Variants in FAT3 observed in about 807,000 individuals in gnomAD.
The protein encoded by FAT3 is protocadherin Fat 3.
FAT3 carries 95 observed loss-of-function variants against 310.2 expected under a neutral mutation model. That is an observed-to-expected ratio of 0.31 (90% CI 0.26 to 0.36). The LOEUF is 0.36. Ranked by LOEUF, FAT3 falls within the 10% of genes least tolerant of loss-of-function variation. The pLI, the probability that FAT3 is intolerant of heterozygous loss-of-function variation, is 1.00. For missense variants in FAT3, 5,408 were observed against 5,715.6 expected (o/e 0.95, Z 1.74); for synonymous variants, 2,314 against 2,192.9 (o/e 1.06, Z -1.54).
At chr11:92,494,982 ATTC>A (rs1322201181) in intron 2 of FAT3, among the ~76,000 whole-genome samples, 3 of 152,044 alleles carry the variant, frequency 2.0e-5, no homozygotes, top group African/African-American at 7.2e-5. Flanking sequence ...AATTTTTGAT[ATTC>A]TTCTTTAAAA....
At position 92,691,521 on chromosome 11, in the gene FAT3, A is replaced by G. The variant is rs191665203; in HGVS notation, c.3608-5863A>G. 4.6e-5 allele frequency among the ~76,000 whole-genome samples: 7 copies of G among 152,114 alleles called. No homozygotes were observed. The East Asian group carries it at 1.4e-3, about 29-fold the overall frequency. On this transcript the variant is annotated intron_variant, in intron 3 of 27. Coordinates refer to ENST00000525166, the MANE Select transcript of FAT3 (RefSeq NM_001367949.2). ...AGCCATCCTCCCACTTCAGCCTCCC[A>G]AGTAGCTGGAACTATAGGTGCCTGT...
intron 3 of FAT3, among the ~76,000 whole-genome samples, chr11:92,548,087 G>A (rs1269650040): frequency 6.6e-6 from 1 of 152,108 alleles, no homozygotes; most frequent in East Asian, 1.9e-4. Context: ...TAATCCCAAG[G>A]CCTCAGTATA....
intron 3 of FAT3, among the ~76,000 whole-genome samples, chr11:92,653,379 T>C (rs1176094406): frequency 6.6e-6 from 1 of 152,072 alleles, no homozygotes; most frequent in East Asian, 1.9e-4. Flanking sequence ...TGCTGCCTTG[T>C]GGTATTAGCA....
chr11:92,861,333 A>G (rs1435282893), intron 21 of FAT3, among the ~76,000 whole-genome samples: 1 of 152,152 alleles, frequency 6.6e-6, no homozygotes, highest in Admixed American at 6.5e-5. Context: ...AAAATATTGA[A>G]CCTGAATGGC....
intron 1 of FAT3, among the ~76,000 whole-genome samples, chr11:92,282,456 G>A (rs1946453201): frequency 6.6e-6 from 1 of 152,068 alleles, no homozygotes; most frequent in Admixed American, 6.6e-5. Flanking sequence ...CCTGAGGTCA[G>A]GCGTTCGAGA....
intron 1 of FAT3, among the ~76,000 whole-genome samples, chr11:92,230,238 A>AATTT (rs10632129): frequency 0.98 from 148,832 of 152,232 alleles, 72,830 homozygotes; most frequent in East Asian, 1. Context: ...AATTTAAAAT[A>AATTT]ATTTTTTGTC....
At chr11:92,366,778 G>A in intron 2 of FAT3, 2 of 531,640 alleles carry the variant, frequency 3.8e-6, no homozygotes, top group South Asian at 2.8e-5. Flanking sequence ...TGGTGGTAGT[G>A]TCCTTCAGAT....
At chr11:92,679,875 C>T (rs961590493) in intron 3 of FAT3, among the ~76,000 whole-genome samples, 11 of 128,794 alleles carry the variant, frequency 8.5e-5, no homozygotes, top group African/African-American at 3.1e-4. Context: ...AAAAGTTGAA[C>T]GTTTTTTCAA....
At chr11:92,759,395 G>A (rs531022003) in intron 4 of FAT3, among the ~76,000 whole-genome samples, 4 of 152,258 alleles carry the variant, frequency 2.6e-5, no homozygotes, top group Non-Finnish European at 4.4e-5. Context: ...TTTCCACAAT[G>A]GTAAGTGCTA....
intron 2 of FAT3, chr11:92,366,781 C>T (rs1949033619): frequency 1.9e-6 from 1 of 531,548 alleles, no homozygotes; most frequent in East Asian, 5.2e-5. Context: ...TGGTAGTGTC[C>T]TTCAGATGCT....
chr11:92,362,423 A>G (rs532912284), intron 2 of FAT3, among the ~76,000 whole-genome samples: 2 of 152,294 alleles, frequency 1.3e-5, no homozygotes, highest in East Asian at 3.9e-4. Flanking sequence ...CTCTGTGCCC[A>G]GAGGCTTTTT....
intron 18 of FAT3, among the ~76,000 whole-genome samples, chr11:92,841,543 T>A (rs1266453633): frequency 6.6e-6 from 1 of 152,324 alleles, no homozygotes; most frequent in East Asian, 1.9e-4. Flanking sequence ...GACTGCCAGC[T>A]CCAAGCACAT....
chr11:92,442,084 TATATATATA>T (rs1565319978), intron 2 of FAT3, among the ~76,000 whole-genome samples: 36 of 63,186 alleles, frequency 5.7e-4, no homozygotes, highest in African/African-American at 3.4e-3. Context: ...ATATATTTTA[TATATATATA>T]TATATATATA....
At chr11:92,576,017 A>G (rs1938466213) in intron 3 of FAT3, among the ~76,000 whole-genome samples, 6 of 152,192 alleles carry the variant, frequency 3.9e-5, no homozygotes, top group East Asian at 1.9e-4. Flanking sequence ...TGAATTATAA[A>G]TTGGGAGTTT....
chr11:92,470,575 G>T (rs1457192299), intron 2 of FAT3, among the ~76,000 whole-genome samples: 3 of 152,114 alleles, frequency 2.0e-5, no homozygotes, highest in African/African-American at 7.2e-5. Context: ...AGTCCTTTGG[G>T]AAACACCAAG....
chr11:92,753,826 G>A (rs1591686574), intron 4 of FAT3, among the ~76,000 whole-genome samples: 1 of 119,450 alleles, frequency 8.4e-6, no homozygotes, highest in Non-Finnish European at 1.7e-5. Context: ...ATACTACTCA[G>A]CCATGAAAAT....
Position 92,471,973 on chromosome 11 carries a change from A to G in FAT3, c.3293-52661A>G, listed in dbSNP as rs374427052. 3.5e-5 allele frequency among the ~76,000 whole-genome samples: 5 copies of G among 144,410 alleles called. No homozygotes were observed. In the South Asian group the frequency reaches 1.1e-3, roughly 32 times the overall value. 94.7% of individuals were successfully genotyped at this position (144,410 alleles called of 152,430 possible). A position where few individuals can be genotyped will look rare whatever the true frequency, so the allele number is the denominator to read the frequency against. ...TATATATATTCTGTAAGTTACATAC[A>G]TAATTTATGTATGTATATTTATGTA... is the stretch of plus-strand genomic sequence containing the variant. On this transcript the variant is annotated intron_variant, in intron 2 of 27. Coordinates refer to ENST00000525166, the MANE Select transcript of FAT3 (RefSeq NM_001367949.2).
At chr11:92,447,775 A>C (rs1951255939) in intron 2 of FAT3, among the ~76,000 whole-genome samples, 1 of 152,166 alleles carries the variant, frequency 6.6e-6, no homozygotes, top group South Asian at 2.1e-4. Flanking sequence ...AAGAAGTGGA[A>C]CGAGAAGAAC....
intron 2 of FAT3, among the ~76,000 whole-genome samples, chr11:92,407,606 C>T (rs1470397974): frequency 6.6e-6 from 1 of 152,056 alleles, no homozygotes; most frequent in Non-Finnish European, 1.5e-5. Flanking sequence ...ACCGATCAGA[C>T]TGAAATCTAA....
Sources: allele counts gnomAD v4.1 joint callset (sites outside exome capture counted in the v4.1 genomes callset), GRCh38; gene constraint gnomAD v4.1.1; transcripts MANE v1.5; gene names NCBI Gene and HGNC (gene_info 2026-07-23, HGNC 2026-07-21).